Variants in LINGO2 observed in about 807,000 individuals in gnomAD.
The protein encoded by LINGO2 is leucine-rich repeat and immunoglobulin-like domain-containing nogo receptor-interacting protein 2.
In LINGO2, 14 loss-of-function variants were observed where a neutral mutation model predicts 30.6. The observed-to-expected ratio is 0.46, with a 90% CI of 0.30 to 0.72. The LOEUF is 0.72. LINGO2 is among the 30% of genes least tolerant of loss of function. The probability of loss-of-function intolerance (pLI) is 0.07; values close to 1 mark genes in which losing one functional copy is unlikely to be tolerated. For missense variants in LINGO2, 729 were observed against 751.7 expected, an observed-to-expected ratio of 0.97 and a Z score of 0.35; for synonymous variants, 317 against 288.5, an observed-to-expected ratio of 1.10 and a Z score of -1.00.
At chr9:28,719,827 T>C in the LINGO2 span, among the ~76,000 whole-genome samples, 1 of 152,058 alleles carries the variant, frequency 6.6e-6, no homozygotes, top group Admixed American at 6.6e-5. Context: ...TGTTATAAAA[T>C]GAACTGCCAT....
At chr9:28,817,241 A>T in the LINGO2 span, among the ~76,000 whole-genome samples, 1 of 152,176 alleles carries the variant, frequency 6.6e-6, no homozygotes, top group Non-Finnish European at 1.5e-5. Flanking sequence ...TTAAGATAAA[A>T]AAAAAAGGGG....
At chr9:28,841,636 A>G in the LINGO2 span, among the ~76,000 whole-genome samples, 1 of 151,794 alleles carries the variant, frequency 6.6e-6, no homozygotes. Context: ...ATAAAGCAGA[A>G]TATTAGATTA....
At chr9:28,262,748 A>G (rs1166601018) in intron 4 of LINGO2, among the ~76,000 whole-genome samples, 2 of 151,970 alleles carry the variant, frequency 1.3e-5, no homozygotes, top group African/African-American at 2.4e-5. Flanking sequence ...GAATTGAAGG[A>G]TAAGTTACTA....
the LINGO2 span, among the ~76,000 whole-genome samples, chr9:29,105,960 G>T: frequency 6.6e-6 from 1 of 152,106 alleles, no homozygotes; most frequent in Non-Finnish European, 1.5e-5. Flanking sequence ...CATCACATGA[G>T]GACACATACA....
intron 3 of LINGO2, among the ~76,000 whole-genome samples, chr9:28,348,953 G>A (rs1347566602): frequency 4.6e-5 from 7 of 151,216 alleles, no homozygotes; most frequent in African/African-American, 1.7e-4. Flanking sequence ...CTGTTAGAAG[G>A]AAAACTAACA....
intron 2 of LINGO2, among the ~76,000 whole-genome samples, chr9:28,373,314 T>A (rs1000886238): frequency 1.8e-4 from 27 of 152,320 alleles, no homozygotes; most frequent in African/African-American, 5.8e-4. Context: ...TACTCTTGAA[T>A]GCTGATTAGA....
the LINGO2 span, among the ~76,000 whole-genome samples, chr9:29,048,150 C>G: frequency 6.6e-6 from 1 of 151,654 alleles, no homozygotes. Flanking sequence ...ATAAATAAAT[C>G]AGTGTCATTT....
At chr9:28,024,127 A>C (rs1823264821) in intron 4 of LINGO2, among the ~76,000 whole-genome samples, 1 of 152,158 alleles carries the variant, frequency 6.6e-6, no homozygotes, top group Non-Finnish European at 1.5e-5. Flanking sequence ...CAAGCTCTTT[A>C]CCTGTGGGAA....
chr9:28,720,506 T>A, the LINGO2 span, among the ~76,000 whole-genome samples: 128 of 152,066 alleles, frequency 8.4e-4, no homozygotes, highest in Non-Finnish European at 1.5e-3. Context: ...CATGTCTCTT[T>A]CCCCCAGTTC....
intron 4 of LINGO2, among the ~76,000 whole-genome samples, chr9:28,088,807 A>G (rs994710854): frequency 1.3e-5 from 2 of 152,168 alleles, no homozygotes; most frequent in African/African-American, 4.8e-5. Flanking sequence ...GTGTGCTTGT[A>G]TTCAGGAGAC....
the LINGO2 span, among the ~76,000 whole-genome samples, chr9:29,012,262 AC>A: frequency 6.6e-6 from 1 of 151,940 alleles, no homozygotes; most frequent in Admixed American, 6.6e-5. Context: ...GGAGGGTGAG[AC>A]AGGAACATAG....
chr9:29,118,075 T>C, the LINGO2 span, among the ~76,000 whole-genome samples: 24 of 152,052 alleles, frequency 1.6e-4, no homozygotes, highest in Non-Finnish European at 2.5e-4. Flanking sequence ...TCCATGGAAA[T>C]GGCCACAAAA....
intron 3 of LINGO2, among the ~76,000 whole-genome samples, chr9:28,311,805 C>T (rs979272190): frequency 5.9e-5 from 9 of 152,102 alleles, no homozygotes; most frequent in African/African-American, 1.7e-4. Context: ...TCCCCCTTAG[C>T]TTACGAAGAT....
At chr9:28,888,130 T>C in the LINGO2 span, among the ~76,000 whole-genome samples, 1 of 152,116 alleles carries the variant, frequency 6.6e-6, no homozygotes, top group Admixed American at 6.6e-5. Context: ...TATTTAGGTA[T>C]GACTATGAGT....
rs1174032997 is a variant in LINGO2 at position 28,632,720 on chromosome 9, C to CTATATATAAATATAGAGATCTA, written c.-365+37479_-365+37480insTAGATCTCTATATTTATATATA. ...TAGATCTATATATTTATATATAGAT[C>CTATATATAAATATAGAGATCTA]TATATATAGATCTATATATTTATAT... On this transcript the variant is annotated intron_variant, in intron 1 of 5. Transcript: ENST00000379992. 6.9e-3 allele frequency among the ~76,000 whole-genome samples: 862 copies of CTATATATAAATATAGAGATCTA among 125,586 alleles called. 19 individuals are homozygous for CTATATATAAATATAGAGATCTA. Among genetic ancestry groups the CTATATATAAATATAGAGATCTA allele is most frequent in the Admixed American group, 0.033 (407 of 12,318 alleles). The allele number at this position is 125,586 out of a possible 152,430, so 82.4% of individuals were successfully genotyped here. A position where few individuals can be genotyped will look rare whatever the true frequency, so the allele number is the denominator to read the frequency against.
intron 4 of LINGO2, among the ~76,000 whole-genome samples, chr9:28,168,003 G>A (rs528839714): frequency 6.6e-6 from 1 of 152,238 alleles, no homozygotes; most frequent in South Asian, 2.1e-4. Context: ...TTCCCTGAGT[G>A]GTCATGTTTA....
chr9:28,823,302 G>T, the LINGO2 span, among the ~76,000 whole-genome samples: 1 of 152,266 alleles, frequency 6.6e-6, no homozygotes, highest in East Asian at 1.9e-4. Flanking sequence ...GCCACTAAAT[G>T]GACATCTAGG....
exon 6 of LINGO2, chr9:27,949,980 T>C (rs565812120): frequency 6.2e-7 from 1 of 1,614,114 alleles, no homozygotes; most frequent in African/African-American, 1.3e-5. Context: ...ATAGTCAATC[T>C]CTAGGTGTTT....
chr9:28,551,252 A>G lies in LINGO2; in HGVS notation c.-364-75227T>C, dbSNP rs1348975002. On this transcript the variant is annotated intron_variant, in intron 1 of 5. Coordinates refer to ENST00000379992, the Ensembl canonical transcript of LINGO2. ...TCTTAGAATTTAGTATAATAAAACC[A>G]GAGACTGCCACAGAAAACTAGGCAA... Among the ~76,000 whole-genome samples the G allele has an allele frequency of 2.0e-5, 3 of 151,950 alleles. No individual in the cohort carries two copies. The East Asian group carries it at 5.8e-4, about 29-fold the overall frequency.
Sources: allele counts gnomAD v4.1 joint callset (sites outside exome capture counted in the v4.1 genomes callset), GRCh38; gene constraint gnomAD v4.1.1; transcripts MANE v1.5; gene names NCBI Gene and HGNC (gene_info 2026-07-23, HGNC 2026-07-21).